LUZP2: variants seen among roughly 807,000 people sequenced by gnomAD.
LUZP2 encodes leucine zipper protein 2.
In LUZP2, 52 loss-of-function variants were observed where a neutral mutation model predicts 51.6. The observed-to-expected ratio is 1.01, with a 90% CI of 0.81 to 1.27. LUZP2 has a LOEUF of 1.27. Ranked by LOEUF, LUZP2 falls within the 50% of genes most tolerant of loss-of-function variation. LUZP2 has a pLI of 0.00. For missense variants in LUZP2, 436 were observed against 395.4 expected (o/e 1.10, Z -0.87); for synonymous variants, 154 against 137.3 (o/e 1.12, Z -0.85).
chr11:25,024,825 C>T (rs181270964), intron 9 of LUZP2, among the ~76,000 whole-genome samples: 8 of 147,090 alleles, frequency 5.4e-5, no homozygotes, highest in Non-Finnish European at 1.0e-4. Flanking sequence ...CAAAAAAGAG[C>T]CCGCATCACC....
chr11:24,891,447 G>A lies in LUZP2; in HGVS notation c.397-14544G>A, dbSNP rs183591916. On this transcript the variant is annotated intron_variant, in intron 5 of 11. Coordinates refer to ENST00000336930, the MANE Select transcript of LUZP2 (RefSeq NM_001009909.4). Reference sequence around the variant, plus strand: ...AAGAACAACTGGAAAACACCTTTTGGTTCCTAATAAGGGAAGATTTAAATA... The same window carrying A: ...AAGAACAACTGGAAAACACCTTTTGATTCCTAATAAGGGAAGATTTAAATA... 100 of 958,404 alleles carry A rather than the reference G, an allele frequency of 1.0e-4. No individual in the cohort carries two copies. The Middle Eastern group carries it at 1.6e-3, about 15-fold the overall frequency. 59.4% of individuals were successfully genotyped at this position (958,404 alleles called of 1,614,324 possible).
intron 5 of LUZP2, among the ~76,000 whole-genome samples, chr11:24,855,840 A>G (rs1029841818): frequency 2.0e-5 from 3 of 152,186 alleles, no homozygotes; most frequent in Admixed American, 6.5e-5. Context: ...GACAAAGTCA[A>G]TTAGAGCATA....
At chr11:24,565,529 A>T (rs7951458) in intron 1 of LUZP2, among the ~76,000 whole-genome samples, 63,581 of 152,024 alleles carry the variant, frequency 0.42, 13,833 homozygotes, top group African/African-American at 0.52. Context: ...GACCATTTAT[A>T]CTTGATAGGG....
intron 7 of LUZP2, among the ~76,000 whole-genome samples, chr11:24,939,179 A>G (rs569763962): frequency 6.6e-6 from 1 of 152,248 alleles, no homozygotes; most frequent in South Asian, 2.1e-4. Flanking sequence ...CTAGCTTCCT[A>G]GTATTTCCAA....
intron 9 of LUZP2, among the ~76,000 whole-genome samples, chr11:25,010,522 T>C (rs1300548024): frequency 6.6e-6 from 1 of 151,526 alleles, no homozygotes; most frequent in Non-Finnish European, 1.5e-5. Context: ...CACTCCAACC[T>C]GGATGACAGA....
At chr11:24,865,726 ATGTG>A (rs869305716) in intron 5 of LUZP2, among the ~76,000 whole-genome samples, 11,423 of 96,282 alleles carry the variant, frequency 0.12, 663 homozygotes, top group African/African-American at 0.2. Flanking sequence ...ATATATATAT[ATGTG>A]TGTGTGTGTG....
intron 1 of LUZP2, among the ~76,000 whole-genome samples, chr11:24,522,231 A>C (rs16912678): frequency 6.6e-6 from 1 of 152,044 alleles, no homozygotes. Flanking sequence ...AATATTTAGC[A>C]CCTTGTGTCA....
At chr11:24,566,635 C>T (rs1317208961) in intron 1 of LUZP2, among the ~76,000 whole-genome samples, 1 of 146,744 alleles carries the variant, frequency 6.8e-6, no homozygotes, top group African/African-American at 2.5e-5. Context: ...CACACACACA[C>T]ACACACACAC....
intron 5 of LUZP2, among the ~76,000 whole-genome samples, chr11:24,818,364 G>T (rs995818966): frequency 1.3e-5 from 2 of 151,982 alleles, no homozygotes; most frequent in Non-Finnish European, 2.9e-5. Flanking sequence ...GGCATATTTT[G>T]TTTCTGTACC....
chr11:24,578,080 G>A (rs1169631008), intron 1 of LUZP2, among the ~76,000 whole-genome samples: 4 of 151,984 alleles, frequency 2.6e-5, no homozygotes, highest in Non-Finnish European at 5.9e-5. Context: ...TCTAGACTGG[G>A]AGAAAGAAAA....
chr11:24,536,070 C>A (rs1201831640), intron 1 of LUZP2, among the ~76,000 whole-genome samples: 1 of 151,676 alleles, frequency 6.6e-6, no homozygotes, highest in African/African-American at 2.4e-5. Context: ...ATCTTTTGTT[C>A]TGAGCAGTAG....
chr11:24,544,635 A>G (rs961023590), intron 1 of LUZP2, among the ~76,000 whole-genome samples: 4 of 152,114 alleles, frequency 2.6e-5, no homozygotes, highest in African/African-American at 9.7e-5. Context: ...ATGGCTGTGT[A>G]GTATTCAATG....
chr11:25,037,598 G>GT (rs1276360375), intron 9 of LUZP2, among the ~76,000 whole-genome samples: 1 of 152,052 alleles, frequency 6.6e-6, no homozygotes, highest in Non-Finnish European at 1.5e-5. Context: ...GGCAGGTGCA[G>GT]TTTTTTTAAA....
intron 1 of LUZP2, among the ~76,000 whole-genome samples, chr11:24,700,444 A>G (rs1387404623): frequency 3.3e-5 from 5 of 152,092 alleles, no homozygotes; most frequent in African/African-American, 7.2e-5. Context: ...TTTCAAATCA[A>G]TCACACCCAA....
chr11:24,603,768 G>T (rs766633599), intron 1 of LUZP2, among the ~76,000 whole-genome samples: 8 of 151,296 alleles, frequency 5.3e-5, no homozygotes, highest in East Asian at 1.9e-4. Context: ...ACAAAGTAAA[G>T]AATTTATGTT....
At chr11:24,691,476 G>T (rs1416752906) in intron 1 of LUZP2, among the ~76,000 whole-genome samples, 36 of 136,552 alleles carry the variant, frequency 2.6e-4, no homozygotes, top group Middle Eastern at 3.7e-3. Flanking sequence ...CTCATATTCT[G>T]TTTTTTTTTT....
intron 9 of LUZP2, among the ~76,000 whole-genome samples, chr11:24,988,395 C>G (rs533640889): frequency 4.1e-4 from 62 of 151,972 alleles, no homozygotes; most frequent in African/African-American, 1.5e-3. Context: ...CTAGATATCC[C>G]TAATCAAACT....
intron 5 of LUZP2, among the ~76,000 whole-genome samples, chr11:24,904,114 TCTCC>T (rs765866541): frequency 2.4e-4 from 37 of 152,160 alleles, no homozygotes; most frequent in Non-Finnish European, 3.7e-4. Flanking sequence ...AGTTCCCCTT[TCTCC>T]ACATCCTCAT....
chr11:24,695,390 T>G (rs1050475039), intron 1 of LUZP2, among the ~76,000 whole-genome samples: 6 of 152,068 alleles, frequency 3.9e-5, no homozygotes, highest in Non-Finnish European at 8.8e-5. Context: ...TTTTGATACA[T>G]GTATACATTG....
Sources: gnomAD v4.1 joint callset for allele counts (sites outside exome capture counted in the v4.1 genomes callset) on GRCh38, gnomAD v4.1.1 for gene constraint, MANE v1.5 for transcripts, NCBI Gene and HGNC (gene_info 2026-07-23, HGNC 2026-07-21) for gene names.